PLCB4: variants seen among roughly 807,000 people sequenced by gnomAD.
PLCB4 encodes 1-phosphatidylinositol 4,5-bisphosphate phosphodiesterase beta-4.
A neutral mutation model predicts 178.8 loss-of-function variants in PLCB4; 77 were observed. The ratio of observed to expected loss-of-function variants is 0.43; its 90% confidence interval spans 0.36 to 0.52. PLCB4 has a LOEUF of 0.52. PLCB4 is among the 20% of genes least tolerant of loss of function. PLCB4 has a pLI of 0.00. For missense variants in PLCB4, 1,024 were observed against 1,453.4 expected, an observed-to-expected ratio of 0.70 and a Z score of 4.80; for synonymous variants, 496 against 490.8, an observed-to-expected ratio of 1.01 and a Z score of -0.14.
chr20:9,218,684 G>T (rs546873372), intron 3 of PLCB4, among the ~76,000 whole-genome samples: 2 of 152,326 alleles, frequency 1.3e-5, no homozygotes, highest in South Asian at 2.1e-4. Flanking sequence ...GGGGAAGGAA[G>T]AATCGCACAA....
intron 2 of PLCB4, among the ~76,000 whole-genome samples, chr20:9,148,523 T>G (rs1313894185): frequency 6.6e-6 from 1 of 152,108 alleles, no homozygotes; most frequent in Non-Finnish European, 1.5e-5. Flanking sequence ...TTTTTTCTCC[T>G]GTCTCTTCCC....
intron 3 of PLCB4, among the ~76,000 whole-genome samples, chr20:9,220,745 T>C (rs1039285031): frequency 6.6e-6 from 1 of 152,228 alleles, no homozygotes; most frequent in African/African-American, 2.4e-5. Flanking sequence ...CTTTAGAGCC[T>C]TACTCATTGT....
At chr20:9,128,142 G>A (rs1199822639) in intron 2 of PLCB4, among the ~76,000 whole-genome samples, 5 of 152,054 alleles carry the variant, frequency 3.3e-5, no homozygotes, top group African/African-American at 1.2e-4. Flanking sequence ...TTGGATGAGG[G>A]GTTCTTTCTC....
At chr20:9,458,609 T>C (rs2043200116) in intron 34 of PLCB4, among the ~76,000 whole-genome samples, 1 of 152,180 alleles carries the variant, frequency 6.6e-6, no homozygotes, top group Admixed American at 6.5e-5. Flanking sequence ...ATGTATCTGG[T>C]AGTTGTCTGG....
At chr20:9,148,204 C>T (rs2092632052) in intron 2 of PLCB4, among the ~76,000 whole-genome samples, 1 of 152,128 alleles carries the variant, frequency 6.6e-6, no homozygotes, top group Non-Finnish European at 1.5e-5. Context: ...TCAATCCAAA[C>T]AGCTATCTAG....
At chr20:9,194,777 C>T (rs1364091772) in intron 2 of PLCB4, among the ~76,000 whole-genome samples, 2 of 151,070 alleles carry the variant, frequency 1.3e-5, no homozygotes, top group South Asian at 2.1e-4. Context: ...TTGTATCTCT[C>T]ATAAATCATT....
intron 1 of PLCB4, among the ~76,000 whole-genome samples, chr20:9,087,405 C>G (rs1402561899): frequency 2.1e-5 from 3 of 145,450 alleles, no homozygotes; most frequent in Non-Finnish European, 4.5e-5. Flanking sequence ...TAGCTTTATT[C>G]TCTCCTCTCC....
In PLCB4 at chr20:9,399,589, A is replaced by G. The variant is rs558691776; in HGVS notation, c.1511-1901A>G. Among the ~76,000 whole-genome samples, 6 of 152,370 alleles carry G rather than the reference A, an allele frequency of 3.9e-5. No individual in the cohort carries two copies. The South Asian group carries it at 8.3e-4, about 21-fold the overall frequency. On this transcript the variant is annotated intron_variant, in intron 19 of 39. Transcript: ENST00000378473. The stretch of plus-strand genomic sequence containing the variant: ...AGGCTGGATTTAGATTCAGAAGGAC[A>G]TGTGGCTCCCAGGATAGGAGACAAG...
intron 32 of PLCB4, among the ~76,000 whole-genome samples, chr20:9,447,637 G>A (rs1050284077): frequency 3.9e-5 from 6 of 152,176 alleles, no homozygotes; most frequent in African/African-American, 1.4e-4. Flanking sequence ...ATGCAGAAAG[G>A]GAAATAACTG....
intron 9 of PLCB4, among the ~76,000 whole-genome samples, chr20:9,366,380 G>GTGC (rs2035781046): frequency 7.8e-6 from 1 of 127,566 alleles, no homozygotes; most frequent in Non-Finnish European, 1.6e-5. Flanking sequence ...CTGGGTGACA[G>GTGC]AGTGAGACTC....
At position 9,121,024 on chromosome 20, in the gene PLCB4, G is replaced by A. The variant is rs143530600; in HGVS notation, c.-79+24682G>A. On this transcript the variant is annotated intron_variant, in intron 2 of 39. Coordinates refer to ENST00000378473, the MANE Select transcript of PLCB4 (RefSeq NM_001377142.1). ...CTGGAACCTCACCACACCCCTCACCGGGATGATCTACCCGTCTTGACCATC... is the reference window on the plus strand; with the variant it reads ...CTGGAACCTCACCACACCCCTCACCAGGATGATCTACCCGTCTTGACCATC... Among the ~76,000 whole-genome samples, 695 of 152,170 alleles carry A rather than the reference G, an allele frequency of 4.6e-3. 3 individuals carry two copies. The highest frequency in any genetic ancestry group is 0.015 in the African/African-American group (630 of 41,514).
At chr20:9,438,133 G>T (rs1040669365) in intron 30 of PLCB4, among the ~76,000 whole-genome samples, 3 of 152,084 alleles carry the variant, frequency 2.0e-5, no homozygotes, top group Non-Finnish European at 4.4e-5. Flanking sequence ...TTGAGAGGCC[G>T]AAGCGGGCAG....
intron 2 of PLCB4, among the ~76,000 whole-genome samples, chr20:9,158,327 A>G (rs376557342): frequency 1.3e-5 from 2 of 151,772 alleles, no homozygotes; most frequent in African/African-American, 4.8e-5. Context: ...GTGTGGTGAC[A>G]TGATCTCAGC....
chr20:9,175,467 AGAATAATCT>A (rs1393129915), intron 2 of PLCB4, among the ~76,000 whole-genome samples: 2 of 152,192 alleles, frequency 1.3e-5, no homozygotes, highest in African/African-American at 4.8e-5. Context: ...CACCATGGAA[AGAATAATCT>A]GTGGATTGGC....
At chr20:9,089,123 GT>G (rs1252520012) in intron 1 of PLCB4, among the ~76,000 whole-genome samples, 6 of 151,924 alleles carry the variant, frequency 3.9e-5, no homozygotes, top group Non-Finnish European at 8.8e-5. Context: ...CAGTTCATTA[GT>G]TAGCTTATTT....
chr20:9,363,041 G>T lies in PLCB4; in HGVS notation c.449+66G>T, dbSNP rs1367652640. The T allele has an allele frequency of 4.3e-6, 5 of 1,157,638 alleles. No homozygotes were observed. In the African/African-American group the frequency reaches 7.6e-5, roughly 18 times the overall value. The allele number at this position is 1,157,638 out of a possible 1,614,324, so 71.7% of individuals were successfully genotyped here. A position where few individuals can be genotyped will look rare whatever the true frequency, so the allele number is the denominator to read the frequency against. On this transcript the variant is annotated intron_variant, in intron 8 of 39. Coordinates refer to ENST00000378473, the MANE Select transcript of PLCB4 (RefSeq NM_001377142.1). ...CAAACAAATGGTCAGATGAAGAGAT[G>T]AAGGCTAGGTGGTTCCTTCCTCCAA... is the stretch of plus-strand genomic sequence containing the variant.
chr20:9,115,485 T>A (rs577963260), intron 2 of PLCB4, among the ~76,000 whole-genome samples: 30 of 151,874 alleles, frequency 2.0e-4, no homozygotes, highest in South Asian at 4.2e-4. Flanking sequence ...TGTGCAGGTT[T>A]GTTACATATG....
chr20:9,078,697 G>T (rs953432919), intron 1 of PLCB4, among the ~76,000 whole-genome samples: 1 of 152,192 alleles, frequency 6.6e-6, no homozygotes, highest in Non-Finnish European at 1.5e-5. Flanking sequence ...GATATTGGGA[G>T]AAATATTGCA....
Position 9,395,616 on chromosome 20 carries a change from G to C in PLCB4, c.1508G>C (p.Ser503Thr). 2 of 1,596,566 alleles carry C rather than the reference G, an allele frequency of 1.3e-6. No homozygotes were observed. Among genetic ancestry groups the C allele is most frequent in the Non-Finnish European group, 1.7e-6 (2 of 1,164,780 alleles). ...LEDDNEEEIESADQEEEAHPE... is the reference protein window; with the variant it reads ...LEDDNEEEIETADQEEEAHPE... ...GACGATAATGAAGAGGAGATCGAAA[G>C]TGGTGAGCTGTTTGCTTTTATTTTA... is the stretch of plus-strand genomic sequence containing the variant. Residue 503 changes from serine to threonine, a missense_variant and splice_region_variant, in exon 19 of 40, where the codon AGT (serine) becomes ACT (threonine). Around this residue, in one of 7 missense-constraint regions of PLCB4, gnomAD observed 263 missense variants for 417.4 expected, o/e 0.63. Coordinates refer to ENST00000378473, the MANE Select transcript of PLCB4 (RefSeq NM_001377142.1).
Sources: allele counts gnomAD v4.1 joint callset (sites outside exome capture counted in the v4.1 genomes callset), GRCh38; gene constraint gnomAD v4.1.1; regional missense constraint gnomAD v4.1.1; transcripts MANE v1.5; gene names NCBI Gene and HGNC (gene_info 2026-07-23, HGNC 2026-07-21).